LUZP2: variants seen among roughly 807,000 people sequenced by gnomAD.
The protein encoded by LUZP2 is leucine zipper protein 2.
A neutral mutation model predicts 51.6 loss-of-function variants in LUZP2; 52 were observed. That is an observed-to-expected ratio of 1.01 (90% CI 0.81 to 1.27). The LOEUF is 1.27. Among genes scored for constraint, LUZP2 ranks in the 50% most tolerant of loss-of-function variants. LUZP2 has a pLI of 0.00. For synonymous variants in LUZP2, 154 were observed against 137.3 expected, an observed-to-expected ratio of 1.12 and a Z score of -0.85; for missense variants, 436 against 395.4, an observed-to-expected ratio of 1.10 and a Z score of -0.87.
intron 8 of LUZP2, 42 bp downstream of exon 8, chr11:24,976,707 A>C (rs772222062): frequency 7.9e-4 from 4 of 5,090 alleles, no homozygotes; most frequent in African/African-American, 1.5e-3. Context: ...TAGTTTTAGC[A>C]AAAAAAAAAA....
intron 5 of LUZP2, among the ~76,000 whole-genome samples, chr11:24,785,432 TA>T (rs1229598039): frequency 1.3e-5 from 2 of 151,980 alleles, no homozygotes; most frequent in African/African-American, 4.8e-5. Context: ...AATTATTAAA[TA>T]AAGCATGGAC....
chr11:24,650,204 T>G (rs1310590324), intron 1 of LUZP2, among the ~76,000 whole-genome samples: 1 of 151,930 alleles, frequency 6.6e-6, no homozygotes, highest in Non-Finnish European at 1.5e-5. Flanking sequence ...CCCAGACAGA[T>G]TCCTTATGAA....
chr11:24,772,231 T>G (rs1158898447), intron 5 of LUZP2, among the ~76,000 whole-genome samples: 1 of 152,230 alleles, frequency 6.6e-6, no homozygotes, highest in Non-Finnish European at 1.5e-5. Flanking sequence ...GGGAAAACTC[T>G]AAATTTTAAG....
chr11:24,652,426 T>C (rs928947975), intron 1 of LUZP2, among the ~76,000 whole-genome samples: 16 of 152,040 alleles, frequency 1.1e-4, no homozygotes, highest in African/African-American at 3.6e-4. Flanking sequence ...CAATCTTAGA[T>C]GGACTATGAA....
chr11:24,638,090 C>T (rs569817135), intron 1 of LUZP2, among the ~76,000 whole-genome samples: 7 of 151,810 alleles, frequency 4.6e-5, no homozygotes, highest in South Asian at 2.1e-4. Context: ...AAAGAACCTA[C>T]GTTGAAATGT....
At chr11:24,659,010 T>G (rs1453099165) in intron 1 of LUZP2, among the ~76,000 whole-genome samples, 1 of 151,318 alleles carries the variant, frequency 6.6e-6, no homozygotes, top group African/African-American at 2.4e-5. Context: ...GAAGTCAGTG[T>G]GGTGATTCCT....
chr11:25,005,141 G>C (rs1856799257), intron 9 of LUZP2, among the ~76,000 whole-genome samples: 1 of 152,080 alleles, frequency 6.6e-6, no homozygotes, highest in African/African-American at 2.4e-5. Context: ...CTTGAAGGGG[G>C]AACTGATAGC....
rs76073203 is a variant in LUZP2 at position 24,760,171 on chromosome 11, G to C, written c.334-3075G>C. ...TCTAAGAGTTAGAATCAATAGTAGGGAGTGTCTGGGTTAAGATAAGTGGTT... is the reference window on the plus strand; with the variant it reads ...TCTAAGAGTTAGAATCAATAGTAGGCAGTGTCTGGGTTAAGATAAGTGGTT... On this transcript the variant is annotated intron_variant, in intron 4 of 11. Coordinates refer to ENST00000336930, the MANE Select transcript of LUZP2 (RefSeq NM_001009909.4). Among the ~76,000 whole-genome samples the C allele has an allele frequency of 2.8e-3, 423 of 152,254 alleles. 1 individual carries two copies. The highest frequency in any genetic ancestry group is 9.8e-3 in the African/African-American group (407 of 41,556).
chr11:24,703,350 GGTTATTTCAGAGACGTAGCA>G (rs1399981373), intron 1 of LUZP2, among the ~76,000 whole-genome samples: 2 of 152,084 alleles, frequency 1.3e-5, no homozygotes, highest in Non-Finnish European at 2.9e-5. Flanking sequence ...TACTTCTGAA[GGTTATTTCAGAGACGTAGCA>G]GTTTAATACA....
intron 1 of LUZP2, among the ~76,000 whole-genome samples, chr11:24,519,195 CTT>C (rs1365092792): frequency 1.3e-5 from 2 of 152,144 alleles, no homozygotes; most frequent in African/African-American, 4.8e-5. Flanking sequence ...ATACCATCCT[CTT>C]TATATTTTGA....
At chr11:24,649,652 C>T (rs1251086044) in intron 1 of LUZP2, among the ~76,000 whole-genome samples, 2 of 151,768 alleles carry the variant, frequency 1.3e-5, no homozygotes, top group Admixed American at 6.6e-5. Context: ...GGTACTGTGC[C>T]TTCAGTAATA....
intron 5 of LUZP2, chr11:24,892,532 TTTC>T (rs1852891096): frequency 1.8e-6 from 1 of 551,392 alleles, no homozygotes; most frequent in South Asian, 8.0e-5. Context: ...TTTGTTAATG[TTTC>T]TATTCTCCAT....
chr11:24,946,109 AT>A (rs1854892277), intron 7 of LUZP2, among the ~76,000 whole-genome samples: 1 of 151,986 alleles, frequency 6.6e-6, no homozygotes, highest in Admixed American at 6.6e-5. Flanking sequence ...TTAGGGTAAT[AT>A]TTTCAAAGTT....
chr11:24,974,942 A>G (rs907296300), intron 7 of LUZP2, among the ~76,000 whole-genome samples: 1 of 152,040 alleles, frequency 6.6e-6, no homozygotes, highest in Non-Finnish European at 1.5e-5. Context: ...GAAAATGTGC[A>G]TATGTGAGTT....
At chr11:24,729,702 G>A (rs759495704) in intron 2 of LUZP2, among the ~76,000 whole-genome samples, 25 of 151,810 alleles carry the variant, frequency 1.6e-4, no homozygotes, top group Non-Finnish European at 3.4e-4. Flanking sequence ...CCTTTAAAAG[G>A]CAAGTGGCAT....
Position 24,826,194 on chromosome 11 carries a change from T to A in LUZP2, c.396+62886T>A, listed in dbSNP as rs865813820. On this transcript the variant is annotated intron_variant, in intron 5 of 11. Coordinates refer to ENST00000336930, the MANE Select transcript of LUZP2 (RefSeq NM_001009909.4). ...CCATCTCAAAAAAAAAAAAAAAATATATATATATATATATAGTAAAAGTTA... is the reference window on the plus strand; with the variant it reads ...CCATCTCAAAAAAAAAAAAAAAATAAATATATATATATATAGTAAAAGTTA... Among the ~76,000 whole-genome samples, 571 of 97,726 alleles carry A rather than the reference T, an allele frequency of 5.8e-3. 7 individuals are homozygous for A. Among genetic ancestry groups the A allele is most frequent in the South Asian group, 0.013 (41 of 3,056 alleles). The allele number at this position is 97,726 out of a possible 152,430, so 64.1% of individuals were successfully genotyped here.
chr11:24,540,830 A>G (rs1851334220), intron 1 of LUZP2, among the ~76,000 whole-genome samples: 1 of 152,138 alleles, frequency 6.6e-6, no homozygotes, highest in African/African-American at 2.4e-5. Flanking sequence ...TGCAGTTATG[A>G]CAGACTTTTA....
intron 5 of LUZP2, among the ~76,000 whole-genome samples, chr11:24,868,893 C>T (rs900838547): frequency 3.9e-5 from 6 of 152,152 alleles, no homozygotes; most frequent in African/African-American, 1.4e-4. Context: ...ATCAAAGCTT[C>T]TTCCTATATG....
chr11:25,043,483 C>T (rs948702556), intron 9 of LUZP2, among the ~76,000 whole-genome samples: 4 of 150,738 alleles, frequency 2.7e-5, no homozygotes, highest in Non-Finnish European at 4.4e-5. Context: ...ACAACAACAA[C>T]GAAAGCAAAA....
Sources: allele counts gnomAD v4.1 joint callset (sites outside exome capture counted in the v4.1 genomes callset), GRCh38; gene constraint gnomAD v4.1.1; transcripts MANE v1.5; gene names NCBI Gene and HGNC (gene_info 2026-07-23, HGNC 2026-07-21).